The following SPAG16 variants were observed in gnomAD, a reference collection of about 807,000 sequenced individuals.
SPAG16 encodes the protein sperm-associated antigen 16 protein.
Under a neutral mutation model 80.4 loss-of-function variants are expected in SPAG16, and 86 were observed. The observed-to-expected ratio is 1.07, with a 90% CI of 0.90 to 1.28. The LOEUF (loss-of-function observed/expected upper bound fraction) is 1.28, where lower values mean the gene tolerates loss of function less well. Among genes scored for constraint, SPAG16 ranks in the 50% most tolerant of loss-of-function variants. The pLI, the probability that SPAG16 is intolerant of heterozygous loss-of-function variation, is 0.00. For missense variants in SPAG16, 870 were observed against 765.3 expected (o/e 1.14, Z -1.61); for synonymous variants, 294 against 265.9 (o/e 1.11, Z -1.03).
At chr2:214,131,948 A>G (rs1026834742) in intron 14 of SPAG16, among the ~76,000 whole-genome samples, 4 of 152,126 alleles carry the variant, frequency 2.6e-5, no homozygotes, top group Non-Finnish European at 5.9e-5. Flanking sequence ...TGGATGATGA[A>G]GATGTGCTAA....
At chr2:214,021,783 A>G (rs2047880263) in intron 13 of SPAG16, among the ~76,000 whole-genome samples, 2 of 152,192 alleles carry the variant, frequency 1.3e-5, no homozygotes, top group East Asian at 3.8e-4. Flanking sequence ...TTCATGTTGC[A>G]CAAATCCTGT....
intron 15 of SPAG16, among the ~76,000 whole-genome samples, chr2:214,164,551 G>A (rs763833514): frequency 6.6e-6 from 1 of 152,106 alleles, no homozygotes; most frequent in Non-Finnish European, 1.5e-5. Context: ...TGTTAGCCAA[G>A]GGCAGATTAT....
intron 12 of SPAG16, among the ~76,000 whole-genome samples, chr2:214,004,527 G>C (rs888225439): frequency 6.6e-6 from 1 of 152,150 alleles, no homozygotes; most frequent in African/African-American, 2.4e-5. Context: ...ATCCACAATT[G>C]TAAGACCTTT....
chr2:214,334,143 A>G (rs1441757809), intron 15 of SPAG16, among the ~76,000 whole-genome samples: 1 of 152,136 alleles, frequency 6.6e-6, no homozygotes, highest in Non-Finnish European at 1.5e-5. Flanking sequence ...TACATCATCT[A>G]TCTCCTTCGG....
chr2:214,024,057 T>C (rs1314323452), intron 13 of SPAG16, among the ~76,000 whole-genome samples: 1 of 151,642 alleles, frequency 6.6e-6, no homozygotes, highest in Non-Finnish European at 1.5e-5. Flanking sequence ...AGATATGGTG[T>C]TGGATGAGAT....
Position 213,993,208 on chromosome 2 carries a change from G to A in SPAG16, c.1401-20743G>A, listed in dbSNP as rs187282003. ...ACCCAACGGGCAGAATATAGAGAAG[G>A]TATATTTGTTTATTTATGCAATTTG... On this transcript the variant is annotated intron_variant, in intron 12 of 15. Transcript: ENST00000331683. Among the ~76,000 whole-genome samples the A allele has an allele frequency of 7.0e-4, 106 of 152,242 alleles. 1 individual carries two copies. Among genetic ancestry groups the A allele is most frequent in the African/African-American group, 2.5e-3 (103 of 41,544 alleles).
intron 10 of SPAG16, among the ~76,000 whole-genome samples, chr2:213,709,411 C>T (rs918965508): frequency 1.3e-5 from 2 of 151,964 alleles, no homozygotes; most frequent in Non-Finnish European, 2.9e-5. Flanking sequence ...TCACAAATAT[C>T]TTATGAAAGA....
chr2:213,718,882 C>G (rs577819265), intron 10 of SPAG16, among the ~76,000 whole-genome samples: 1 of 152,166 alleles, frequency 6.6e-6, no homozygotes, highest in East Asian at 1.9e-4. Flanking sequence ...TGCGAGCACA[C>G]GGCGCAGGAC....
chr2:213,776,149 A>G (rs1476543154), intron 10 of SPAG16, among the ~76,000 whole-genome samples: 1 of 152,216 alleles, frequency 6.6e-6, no homozygotes, highest in East Asian at 1.9e-4. Flanking sequence ...TCATATGGCA[A>G]AGGAACTTTG....
intron 11 of SPAG16, among the ~76,000 whole-genome samples, chr2:213,922,614 G>T (rs1037572876): frequency 3.9e-5 from 6 of 152,210 alleles, no homozygotes; most frequent in African/African-American, 1.4e-4. Flanking sequence ...GGCTTTTCAA[G>T]TTGTCAGAGT....
intron 13 of SPAG16, among the ~76,000 whole-genome samples, chr2:214,065,479 C>T (rs2050489236): frequency 6.6e-6 from 1 of 151,912 alleles, no homozygotes; most frequent in South Asian, 2.1e-4. Context: ...GGGAAAAATA[C>T]CTTTTAAAGT....
At chr2:214,062,370 G>T (rs1369245779) in intron 13 of SPAG16, among the ~76,000 whole-genome samples, 3 of 133,590 alleles carry the variant, frequency 2.2e-5, no homozygotes, top group Admixed American at 1.7e-4. Flanking sequence ...AGTGAGCTGA[G>T]ATCGTGCCAC....
intron 15 of SPAG16, among the ~76,000 whole-genome samples, chr2:214,376,073 T>C (rs537929438): frequency 2.0e-4 from 30 of 152,232 alleles, no homozygotes; most frequent in African/African-American, 6.7e-4. Context: ...TGCTTTCTTA[T>C]GATCTTAGGT....
chr2:213,552,067 G>A (rs566089681), intron 10 of SPAG16, among the ~76,000 whole-genome samples: 2 of 152,268 alleles, frequency 1.3e-5, no homozygotes, highest in African/African-American at 2.4e-5. Flanking sequence ...GTAAGAAATA[G>A]GAAGTAGGAA....
At chr2:214,398,577 A>G (rs1395284160) in intron 15 of SPAG16, among the ~76,000 whole-genome samples, 1 of 152,214 alleles carries the variant, frequency 6.6e-6, no homozygotes, top group Non-Finnish European at 1.5e-5. Flanking sequence ...AGAAAGTATG[A>G]TGGAGAGAGG....
intron 10 of SPAG16, among the ~76,000 whole-genome samples, chr2:213,573,488 A>G (rs1041321651): frequency 2.6e-5 from 4 of 152,204 alleles, no homozygotes; most frequent in African/African-American, 4.8e-5. Flanking sequence ...TGTTGTTTGC[A>G]TTCTACATAT....
chr2:213,686,358 C>T (rs1361721166), intron 10 of SPAG16, among the ~76,000 whole-genome samples: 6 of 152,318 alleles, frequency 3.9e-5, no homozygotes, highest in East Asian at 3.9e-4. Context: ...CTTTGTGATC[C>T]ACCCACCTTG....
chr2:213,401,309 G>A (rs2068296504), intron 9 of SPAG16, among the ~76,000 whole-genome samples: 1 of 152,186 alleles, frequency 6.6e-6, no homozygotes, highest in Admixed American at 6.5e-5. Context: ...ATGTCATAAT[G>A]CATTATTACT....
intron 10 of SPAG16, among the ~76,000 whole-genome samples, chr2:213,627,480 C>T (rs1338825750): frequency 6.6e-6 from 1 of 152,174 alleles, no homozygotes; most frequent in Non-Finnish European, 1.5e-5. Context: ...CGGAAAGCCC[C>T]TTTTTGCTTT....
Sources: allele counts gnomAD v4.1 joint callset (sites outside exome capture counted in the v4.1 genomes callset), GRCh38; gene constraint gnomAD v4.1.1; transcripts MANE v1.5; gene names NCBI Gene and HGNC (gene_info 2026-07-23, HGNC 2026-07-21).